Variants in MYO3A observed in about 807,000 individuals in gnomAD.
MYO3A encodes the protein myosin IIIA, also known as myosin-IIIa.
A neutral mutation model predicts 192.7 loss-of-function variants in MYO3A; 180 were observed. The ratio of observed to expected loss-of-function variants is 0.93; its 90% confidence interval spans 0.83 to 1.06. The LOEUF is 1.06. Among genes scored for constraint, MYO3A ranks in the 50% least tolerant of loss-of-function variants. The probability of loss-of-function intolerance (pLI) is 0.00; values close to 1 mark genes in which losing one functional copy is unlikely to be tolerated. For synonymous variants in MYO3A, 628 were observed against 645.3 expected, an observed-to-expected ratio of 0.97 and a Z score of 0.41; for missense variants, 1,896 against 1,905.0, an observed-to-expected ratio of 1.00 and a Z score of 0.09.
chr10:26,061,205 A>C (rs1036470194), intron 10 of MYO3A, among the ~76,000 whole-genome samples: 8 of 152,222 alleles, frequency 5.3e-5, no homozygotes, highest in Non-Finnish European at 1.2e-4. Context: ...CTGGGATTAC[A>C]GGTGTGAGCC....
chr10:26,196,104 A>G (rs1242176239), intron 32 of MYO3A, among the ~76,000 whole-genome samples: 1 of 152,280 alleles, frequency 6.6e-6, no homozygotes, highest in Admixed American at 6.5e-5. Flanking sequence ...ATGCTCTCAA[A>G]TAATTTAAAA....
intron 34 of MYO3A, 130 bp from the exon 35 acceptor site, chr10:26,211,713 A>C: frequency 7.1e-7 from 1 of 1,409,862 alleles, no homozygotes. Context: ...AGTCGTTTCG[A>C]TTGTGCCTTT....
At chr10:26,034,218 G>T (rs138238436) in intron 10 of MYO3A, among the ~76,000 whole-genome samples, 138 of 152,174 alleles carry the variant, frequency 9.1e-4, no homozygotes, top group African/African-American at 3.2e-3. Flanking sequence ...GTATTTTTTT[G>T]AAGGTAGAGG....
chr10:26,101,120 T>C (rs1406296340), intron 17 of MYO3A, among the ~76,000 whole-genome samples: 1 of 152,264 alleles, frequency 6.6e-6, no homozygotes, highest in African/African-American at 2.4e-5. Flanking sequence ...TTAGCTCTTC[T>C]TATTGAATTG....
intron 15 of MYO3A, among the ~76,000 whole-genome samples, chr10:26,092,234 G>A (rs1443608754): frequency 6.6e-6 from 1 of 152,192 alleles, no homozygotes; most frequent in Non-Finnish European, 1.5e-5. Flanking sequence ...TTGGGAGGCC[G>A]AGGCGGGTGG....
chr10:26,061,858 C>CAGAT (rs1834503923), intron 10 of MYO3A, among the ~76,000 whole-genome samples: 1 of 151,938 alleles, frequency 6.6e-6, no homozygotes, highest in African/African-American at 2.4e-5. Flanking sequence ...TCCATAAAAA[C>CAGAT]AGAAAATTCA....
At chr10:26,098,308 A>G (rs953171146) in intron 17 of MYO3A, among the ~76,000 whole-genome samples, 3 of 152,206 alleles carry the variant, frequency 2.0e-5, no homozygotes, top group African/African-American at 7.2e-5. Context: ...GATTCTGGAT[A>G]TAAGCCCTTT....
chr10:26,091,206 T>G (rs190516932), intron 15 of MYO3A, among the ~76,000 whole-genome samples: 1 of 152,204 alleles, frequency 6.6e-6, no homozygotes. Flanking sequence ...TATCTTTTTT[T>G]AATGAACTCA....
At chr10:26,050,814 C>T (rs1312075785) in intron 10 of MYO3A, among the ~76,000 whole-genome samples, 1 of 152,144 alleles carries the variant, frequency 6.6e-6, no homozygotes, top group African/African-American at 2.4e-5. Flanking sequence ...TCTCACCCAG[C>T]CCAGAGCCAC....
At chr10:26,133,131 A>G (rs999302314) in intron 20 of MYO3A, among the ~76,000 whole-genome samples, 4 of 152,186 alleles carry the variant, frequency 2.6e-5, no homozygotes, top group African/African-American at 9.6e-5. Flanking sequence ...TTTAAGTTCA[A>G]CTTTCTTCCC....
chr10:26,068,729 T>C (rs1333066675), intron 11 of MYO3A, 39 bp from the exon 12 acceptor site: 1 of 1,350,180 alleles, frequency 7.4e-7, no homozygotes, highest in Admixed American at 1.7e-5. Flanking sequence ...TGACCACAAA[T>C]AATTTTTAAG....
At chr10:26,126,999 A>G (rs934158783) in intron 19 of MYO3A, among the ~76,000 whole-genome samples, 3 of 152,082 alleles carry the variant, frequency 2.0e-5, no homozygotes, top group African/African-American at 7.2e-5. Flanking sequence ...CTTTGCCACT[A>G]TCTCGTTATG....
intron 22 of MYO3A, among the ~76,000 whole-genome samples, chr10:26,146,540 C>A (rs1056523945): frequency 6.6e-6 from 1 of 152,150 alleles, no homozygotes; most frequent in South Asian, 2.1e-4. Flanking sequence ...CTCAAGGTGT[C>A]CCCACATGGC....
In MYO3A at chr10:26,154,788, A is replaced by T. The variant is rs1459866272; in HGVS notation, c.2758A>T (p.Asn920Tyr). 1 of 1,613,856 alleles carries T rather than the reference A, an allele frequency of 6.2e-7. No individual in the cohort carries two copies. Among genetic ancestry groups the T allele is most frequent in the Admixed American group, 1.7e-5 (1 of 60,004 alleles). The change falls in exon 25 of 35, where the codon AAC (asparagine) becomes TAC (tyrosine). Residue 920 changes from asparagine (N) to tyrosine (Y), a missense_variant. Asn to Tyr is a moderately radical substitution (Grantham distance 143). Coordinates refer to ENST00000642920, the MANE Select transcript of MYO3A (RefSeq NM_017433.5). ...CACACGTCATGCCAGAGAGACAACC[A>T]ACATGAAAACACAAACGGTTGCATC... is the stretch of plus-strand genomic sequence containing the variant. ...EATRHARETT[N>Y]MKTQTVASYF...
At chr10:26,081,133 T>TCCCGCC (rs1835904506) in intron 14 of MYO3A, among the ~76,000 whole-genome samples, 1 of 84,940 alleles carries the variant, frequency 1.2e-5, no homozygotes. Flanking sequence ...TATATGCCCT[T>TCCCGCC]CCCCCCCCCC....
intron 11 of MYO3A, among the ~76,000 whole-genome samples, chr10:26,068,049 C>A (rs1227506155): frequency 2.6e-5 from 4 of 152,152 alleles, no homozygotes; most frequent in Non-Finnish European, 4.4e-5. Flanking sequence ...TGAATTCTTA[C>A]ATATAAAATT....
intron 6 of MYO3A, among the ~76,000 whole-genome samples, chr10:25,998,186 C>T (rs556213809): frequency 6.6e-6 from 1 of 152,272 alleles, no homozygotes; most frequent in Admixed American, 6.5e-5. Flanking sequence ...ATTTCGTAGA[C>T]CTAATGCTTT....
At chr10:26,203,764 A>G (rs554212606) in intron 34 of MYO3A, among the ~76,000 whole-genome samples, 1 of 152,340 alleles carries the variant, frequency 6.6e-6, no homozygotes, top group Admixed American at 6.5e-5. Context: ...TGTTCATCCA[A>G]AATTCTAAAC....
chr10:25,955,645 C>T (rs934994140), intron 4 of MYO3A, among the ~76,000 whole-genome samples: 1 of 151,938 alleles, frequency 6.6e-6, no homozygotes, highest in Admixed American at 6.6e-5. Context: ...ACTGTCAGTC[C>T]CAGAATAATT....
Sources: allele counts gnomAD v4.1 joint callset (sites outside exome capture counted in the v4.1 genomes callset), GRCh38; gene constraint gnomAD v4.1.1; transcripts MANE v1.5; gene names NCBI Gene and HGNC (gene_info 2026-07-23, HGNC 2026-07-21).